The following PDE4D variants were observed in gnomAD, a reference collection of about 807,000 sequenced individuals.
PDE4D encodes 3',5'-cyclic-AMP phosphodiesterase 4D.
In PDE4D, 24 loss-of-function variants were observed where a neutral mutation model predicts 87.4. The observed-to-expected ratio is 0.27, with a 90% CI of 0.20 to 0.39. The LOEUF is 0.39. Ranked by LOEUF, PDE4D falls within the 10% of genes least tolerant of loss-of-function variation. PDE4D has a pLI of 1.00. For synonymous variants in PDE4D, 384 were observed against 383.2 expected (o/e 1.00, Z -0.02); for missense variants, 714 against 1,041.0 (o/e 0.69, Z 4.32).
chr5:59,901,658 A>G (rs1031975245), intron 3 of PDE4D, among the ~76,000 whole-genome samples: 2 of 152,160 alleles, frequency 1.3e-5, no homozygotes, highest in African/African-American at 4.8e-5. Flanking sequence ...TGGTAATTAA[A>G]TAGATGAAAA....
At chr5:59,515,361 C>A (rs910060505) in intron 1 of PDE4D, among the ~76,000 whole-genome samples, 4 of 152,164 alleles carry the variant, frequency 2.6e-5, no homozygotes, top group Middle Eastern at 3.2e-3. Flanking sequence ...CCTGACCTAC[C>A]ACTGAACCAA....
At chr5:59,176,955 G>A (rs79677874) in intron 5 of PDE4D, among the ~76,000 whole-genome samples, 12,146 of 152,158 alleles carry the variant, frequency 0.08, 661 homozygotes, top group Admixed American at 0.15. Context: ...GCCAATTTAA[G>A]GACCCACAAG....
intron 1 of PDE4D, among the ~76,000 whole-genome samples, chr5:59,650,278 GT>G (rs1423826211): frequency 6.6e-6 from 1 of 152,086 alleles, no homozygotes; most frequent in Non-Finnish European, 1.5e-5. Context: ...TAAATCTAAT[GT>G]TTATGGTAGT....
chr5:59,022,484 G>A (rs1418937454), intron 6 of PDE4D, among the ~76,000 whole-genome samples: 1 of 152,076 alleles, frequency 6.6e-6, no homozygotes, highest in Non-Finnish European at 1.5e-5. Flanking sequence ...CCTCTTAACA[G>A]GCTAATTTTA....
At chr5:60,455,008 G>T (rs548458764) in intron 1 of PDE4D, among the ~76,000 whole-genome samples, 1 of 152,060 alleles carries the variant, frequency 6.6e-6, no homozygotes, top group South Asian at 2.1e-4. Context: ...ACAGGGTGAG[G>T]AATTTAGAGA....
chr5:59,791,450 G>A (rs913070127), intron 1 of PDE4D, among the ~76,000 whole-genome samples: 2 of 152,176 alleles, frequency 1.3e-5, no homozygotes, highest in Admixed American at 1.3e-4. Flanking sequence ...TCATGATTCT[G>A]TGTTTTAGAA....
chr5:59,191,946 T>A (rs533233258), intron 3 of PDE4D, among the ~76,000 whole-genome samples: 3 of 152,176 alleles, frequency 2.0e-5, no homozygotes, highest in Non-Finnish European at 4.4e-5. Flanking sequence ...TATTAAATCA[T>A]ACAAGTGTAA....
At chr5:59,977,323 G>A (rs1761440289) in intron 3 of PDE4D, among the ~76,000 whole-genome samples, 1 of 152,198 alleles carries the variant, frequency 6.6e-6, no homozygotes, top group South Asian at 2.1e-4. Context: ...AACTTCAGTG[G>A]TCTGGATAGA....
At chr5:60,405,340 A>G (rs928343708) in intron 1 of PDE4D, among the ~76,000 whole-genome samples, 3 of 152,218 alleles carry the variant, frequency 2.0e-5, no homozygotes, top group African/African-American at 7.2e-5. Context: ...CCTCACTCTC[A>G]TAACTCTCCT....
chr5:60,470,811 A>G (rs1747761079), intron 1 of PDE4D, among the ~76,000 whole-genome samples: 1 of 152,194 alleles, frequency 6.6e-6, no homozygotes, highest in East Asian at 1.9e-4. Context: ...TCAAAATATT[A>G]CTGCTCATTG....
intron 2 of PDE4D, among the ~76,000 whole-genome samples, chr5:60,006,570 C>T (rs1764498198): frequency 6.6e-6 from 1 of 151,866 alleles, no homozygotes; most frequent in Non-Finnish European, 1.5e-5. Flanking sequence ...CTAATTAAAA[C>T]AAATTCATAA....
At chr5:58,984,758 G>A (rs1432743575) in intron 11 of PDE4D, among the ~76,000 whole-genome samples, 1 of 152,134 alleles carries the variant, frequency 6.6e-6, no homozygotes, top group African/African-American at 2.4e-5. Flanking sequence ...AGGCATCTTT[G>A]CTATTAACAA....
intron 1 of PDE4D, among the ~76,000 whole-genome samples, chr5:60,398,044 C>G (rs112170264): frequency 6.6e-6 from 1 of 152,120 alleles, no homozygotes; most frequent in Non-Finnish European, 1.5e-5. Context: ...TTAGGATAGA[C>G]CATGAATCCA....
At chr5:59,267,025 C>T (rs972790593) in intron 1 of PDE4D, among the ~76,000 whole-genome samples, 7 of 151,942 alleles carry the variant, frequency 4.6e-5, no homozygotes, top group Non-Finnish European at 7.4e-5. Flanking sequence ...AGAGTAGATG[C>T]CCAATACATT....
chr5:59,969,575 C>G (rs1434845428), intron 3 of PDE4D, among the ~76,000 whole-genome samples: 1 of 152,114 alleles, frequency 6.6e-6, no homozygotes, highest in African/African-American at 2.4e-5. Context: ...CATGGTTTGG[C>G]TGTGTCCCCA....
At chr5:60,083,328 C>T (rs1774176562) in intron 2 of PDE4D, among the ~76,000 whole-genome samples, 1 of 152,176 alleles carries the variant, frequency 6.6e-6, no homozygotes, top group Non-Finnish European at 1.5e-5. Context: ...ACATGAATTA[C>T]ACATTTGACA....
intron 1 of PDE4D, among the ~76,000 whole-genome samples, chr5:59,618,406 G>T (rs1247145251): frequency 1.3e-5 from 2 of 152,158 alleles, no homozygotes; most frequent in East Asian, 3.9e-4. Flanking sequence ...GAACGCCAGA[G>T]AATTGTGATG....
intron 1 of PDE4D, among the ~76,000 whole-genome samples, chr5:59,254,537 T>C (rs140039187): frequency 4.6e-5 from 7 of 152,108 alleles, no homozygotes; most frequent in African/African-American, 1.7e-4. Flanking sequence ...GCCGGATGAC[T>C]CAAACAAAGC....
chr5:60,160,785 C>T (rs1782409957), intron 2 of PDE4D: 3 of 450,864 alleles, frequency 6.7e-6, no homozygotes, highest in African/African-American at 4.0e-5. Context: ...CCTAGTATTC[C>T]TGTCTTCCTC....
Sources: allele counts gnomAD v4.1 joint callset (sites outside exome capture counted in the v4.1 genomes callset), GRCh38; gene constraint gnomAD v4.1.1; transcripts MANE v1.5; gene names NCBI Gene and HGNC (gene_info 2026-07-23, HGNC 2026-07-21).